PIK3CG: variants seen among roughly 807,000 people sequenced by gnomAD.
PIK3CG encodes the protein phosphatidylinositol-4,5-bisphosphate 3-kinase catalytic subunit gamma.
Under a neutral mutation model 102.3 loss-of-function variants are expected in PIK3CG, and 55 were observed. The ratio of observed to expected loss-of-function variants is 0.54; its 90% CI spans 0.43 to 0.67. PIK3CG has a LOEUF of 0.67. PIK3CG is among the 30% of genes least tolerant of loss of function. The probability of loss-of-function intolerance (pLI) is 0.00; values close to 1 mark genes in which losing one functional copy is unlikely to be tolerated. For synonymous variants in PIK3CG, 552 were observed against 540.0 expected, an observed-to-expected ratio of 1.02 and a Z score of -0.31; for missense variants, 1,258 against 1,391.8, an observed-to-expected ratio of 0.90 and a Z score of 1.53.
rs145560246 is a variant in PIK3CG at position 106,872,569 on chromosome 7, C to T, written c.2028C>T (p.Ala676=). The T allele has an allele frequency of 4.5e-4, 722 of 1,613,874 alleles. 5 individuals are homozygous for T. In the African/African-American group the frequency reaches 8.3e-3, roughly 19 times the overall value. ...AATTTGAACCATACCATGATAGCGC[C>T]CTTGCCAGATTTCTGCTGAAGCGTG... ...AVKFEPYHDS[A]LARFLLKRGL... The change falls in exon 3 of 11, where the codon GCC becomes GCT. Residue 676 remains alanine, a synonymous_variant. Coordinates refer to ENST00000496166, the MANE Select transcript of PIK3CG (RefSeq NM_001282426.2). The surrounding 1 kb of genome is among the most constrained non-coding windows in gnomAD (Gnocchi z 5.3).
In PIK3CG at chr7:106,907,389, C is replaced by A; in HGVS notation, c.*2002C>A. Among the ~76,000 whole-genome samples the A allele has an allele frequency of 6.6e-6, 1 of 152,062 alleles. No individual in the cohort carries two copies. Among genetic ancestry groups the A allele is most frequent in the Admixed American group, 6.6e-5 (1 of 15,264 alleles). On this transcript the variant is annotated 3_prime_UTR_variant, in exon 11 of 11. Coordinates refer to ENST00000496166, the MANE Select transcript of PIK3CG (RefSeq NM_001282426.2). ...CTGTCCTTTTAAAATCACACTCTAC[C>A]CACCTGTACAGAAGACCATGCCCTA... is the stretch of plus-strand genomic sequence containing the variant.
rs1056645523 is a variant in PIK3CG, at chr7:106,868,615, G to A, written c.1054G>A (p.Val352Met). 1.2e-6 allele frequency: 2 copies of A among 1,614,198 alleles called. No homozygotes were observed. The highest frequency in any genetic ancestry group is 1.1e-5 in the South Asian group (1 of 91,082). ...HGKDHESVFT[V>M]SLWDCDRKFR... Reference sequence around the variant, plus strand: ...CAAGGACCACGAGAGTGTGTTCACCGTGTCCCTGTGGGACTGCGACCGCAA... The same window carrying A: ...CAAGGACCACGAGAGTGTGTTCACCATGTCCCTGTGGGACTGCGACCGCAA... Residue 352 changes from valine to methionine, a missense_variant, in exon 2 of 11, where the codon GTG becomes ATG. Physicochemically the swap from Val to Met is conservative, Grantham distance 21 (BLOSUM62 1). Transcript: ENST00000496166. The surrounding 1 kb of genome is among the most constrained non-coding windows in gnomAD (Gnocchi z 6.2).
Position 106,906,415 on chromosome 7 carries a change from T to G in PIK3CG, c.*1028T>G, listed in dbSNP as rs1038648527. 2 of 229,966 alleles carry G rather than the reference T, an allele frequency of 8.7e-6. No individual in the cohort carries two copies. Among genetic ancestry groups the G allele is most frequent in the Admixed American group, 5.7e-5 (1 of 17,678 alleles). 14.2% of individuals were successfully genotyped at this position (229,966 alleles called of 1,614,324 possible). ...AATATGAATTAGTTTCCAAATGCCT[T>G]AATTTTAAACTTTGGCCTGAACAGT... On this transcript the variant is annotated 3_prime_UTR_variant, in exon 11 of 11. Coordinates refer to ENST00000496166, the MANE Select transcript of PIK3CG (RefSeq NM_001282426.2).
At chr7:106,900,654 C>A (rs1791523725) in intron 10 of PIK3CG, among the ~76,000 whole-genome samples, 1 of 152,142 alleles carries the variant, frequency 6.6e-6, no homozygotes, top group Admixed American at 6.5e-5. Context: ...TACAGTGACA[C>A]TGGTCTGTGT....
chr7:106,904,292 A>T (rs1027564148), intron 10 of PIK3CG, among the ~76,000 whole-genome samples: 8 of 152,148 alleles, frequency 5.3e-5, no homozygotes, highest in Non-Finnish European at 5.9e-5. Context: ...TATGCTCAAT[A>T]TTTATTATTT....
In PIK3CG at chr7:106,872,470, A is replaced by C; in HGVS notation, c.1996-67A>C. ...TAAAGCAGAGCACCAGTTCTTCTCC[A>C]TTTCCTTTTCCCTGATTCAACGACA... On this transcript the variant is annotated intron_variant, in intron 2 of 10. Coordinates refer to ENST00000496166, the MANE Select transcript of PIK3CG (RefSeq NM_001282426.2). The surrounding 1 kb of genome is among the most constrained non-coding windows in gnomAD (Gnocchi z 5.3). 1 of 1,260,290 alleles carries C rather than the reference A, an allele frequency of 7.9e-7. No individual in the cohort carries two copies. Among genetic ancestry groups the C allele is most frequent in the Non-Finnish European group, 1.2e-6 (1 of 864,022 alleles). 78.1% of individuals were successfully genotyped at this position (1,260,290 alleles called of 1,614,324 possible).
At position 106,903,688 on chromosome 7, in the gene PIK3CG, TA is replaced by T. The variant is rs1313499197; in HGVS notation, c.3031-1418del. On this transcript the variant is annotated intron_variant, in intron 10 of 10. Coordinates refer to ENST00000496166, the MANE Select transcript of PIK3CG (RefSeq NM_001282426.2). The surrounding 1 kb of genome is among the most constrained non-coding windows in gnomAD (Gnocchi z 4.3). ...CTACTTACAGTAATATTTGATTTTT[TA>T]AAGACAATTAGGTCATTTGTAAATA... is the stretch of plus-strand genomic sequence containing the variant. Among the ~76,000 whole-genome samples the T allele has an allele frequency of 1.3e-5, 2 of 151,916 alleles. No homozygotes were observed. Among genetic ancestry groups the T allele is most frequent in the African/African-American group, 4.8e-5 (2 of 41,430 alleles).
intron 5 of PIK3CG, among the ~76,000 whole-genome samples, chr7:106,878,362 G>T (rs1411412492): frequency 6.6e-6 from 1 of 152,160 alleles, no homozygotes; most frequent in Non-Finnish European, 1.5e-5. Flanking sequence ...TAGGCTGCTG[G>T]AGTCTATGGA....
chr7:106,884,183 A>G lies in PIK3CG; in HGVS notation c.2789A>G (p.Tyr930Cys). The G allele has an allele frequency of 6.2e-7, 1 of 1,613,810 alleles. No homozygotes were observed. The highest frequency in any genetic ancestry group is 8.5e-7 in the Non-Finnish European group (1 of 1,179,796). Residue 930 changes from tyrosine to cysteine, a missense_variant, in exon 9 of 11, where the codon TAT becomes TGT. Coordinates refer to ENST00000496166, the MANE Select transcript of PIK3CG (RefSeq NM_001282426.2). This position sits in a 1 kb window ranked among gnomAD's most constrained non-coding sequence, Gnocchi z 4.2. ...KFQAAVERFV[Y>C]SCAGYCVATF... is the part of the protein sequence containing the mutation. ...CAGGCAGCAGTGGAGAGATTTGTTT[A>G]TTCCTGTGCAGGCTACTGTGTGGCA...
At position 106,890,300 on chromosome 7, in the gene PIK3CG, G is replaced by A. The variant is rs1791234838; in HGVS notation, c.3030+4008G>A. Among the ~76,000 whole-genome samples, 1 of 152,130 alleles carries A rather than the reference G, an allele frequency of 6.6e-6. No homozygotes were observed. Among genetic ancestry groups the A allele is most frequent in the Non-Finnish European group, 1.5e-5 (1 of 68,032 alleles). On this transcript the variant is annotated intron_variant, in intron 10 of 10. Coordinates refer to ENST00000496166, the MANE Select transcript of PIK3CG (RefSeq NM_001282426.2). The surrounding 1 kb of genome is among the most constrained non-coding windows in gnomAD (Gnocchi z 4.2). ...GGGTTCACACCACTCTCCTGCCTCAGCCTTCCAAGTAGCTGGGACTACAGG... is the reference window on the plus strand; with the variant it reads ...GGGTTCACACCACTCTCCTGCCTCAACCTTCCAAGTAGCTGGGACTACAGG...
At position 106,905,252 on chromosome 7, in the gene PIK3CG, G is replaced by C. The variant is rs2116618673; in HGVS notation, c.3174G>C (p.Gly1058=). 2 of 1,614,098 alleles carry C rather than the reference G, an allele frequency of 1.2e-6. No individual in the cohort carries two copies. Among genetic ancestry groups the C allele is most frequent in the Admixed American group, 1.7e-5 (1 of 60,004 alleles). Reference sequence around the variant, plus strand: ...ATATCCGGGATGCCCTCACAGTGGGGAAAAATGAGGAGGATGCTAAAAAGT... The same window carrying C: ...ATATCCGGGATGCCCTCACAGTGGGCAAAAATGAGGAGGATGCTAAAAAGT... ...IEYIRDALTV[G]KNEEDAKKYF... Residue 1058 remains glycine (G), a synonymous_variant, in exon 11 of 11, where the codon GGG becomes GGC. Transcript: ENST00000496166. This position sits in a 1 kb window ranked among gnomAD's most constrained non-coding sequence, Gnocchi z 5.6.
chr7:106,868,281 C>A lies in PIK3CG; in HGVS notation c.720C>A (p.Thr240=), dbSNP rs757667636. 1.2e-6 allele frequency: 2 copies of A among 1,614,050 alleles called. No individual in the cohort carries two copies. Among genetic ancestry groups the A allele is most frequent in the Non-Finnish European group, 1.7e-6 (2 of 1,180,044 alleles). The change falls in exon 2 of 11, where the codon ACC becomes ACA. Residue 240 remains threonine, a synonymous_variant. Coordinates refer to ENST00000496166, the MANE Select transcript of PIK3CG (RefSeq NM_001282426.2). This position sits in a 1 kb window ranked among gnomAD's most constrained non-coding sequence, Gnocchi z 6.2. The part of the protein sequence containing the change: ...SQTIKVSPDD[T]PGAILQSFFT... ...CCATTAAGGTCTCACCCGACGACAC[C>A]CCCGGCGCCATCCTGCAGAGCTTCT... is the stretch of plus-strand genomic sequence containing the variant.
chr7:106,868,604 G>A lies in PIK3CG; in HGVS notation c.1043G>A (p.Ser348Asn), dbSNP rs1281619231. 6.2e-7 allele frequency: 1 copy of A among 1,614,230 alleles called. No individual in the cohort carries two copies. Among genetic ancestry groups the A allele is most frequent in the Non-Finnish European group, 8.5e-7 (1 of 1,180,048 alleles). ...QLTIHGKDHE[S>N]VFTVSLWDCD... ...ACCATCCACGGCAAGGACCACGAGA[G>A]TGTGTTCACCGTGTCCCTGTGGGAC... Residue 348 changes from serine (S) to asparagine (N), a missense_variant, in exon 2 of 11, where the codon AGT becomes AAT. This residue lies in a region of PIK3CG where 832 missense variants were observed against 787.5 expected (regional missense o/e 1.06). Transcript: ENST00000496166. The surrounding 1 kb of genome is among the most constrained non-coding windows in gnomAD (Gnocchi z 6.2).
rs1449605501 is a variant in PIK3CG, at chr7:106,869,146, C to A, written c.1585C>A (p.Leu529Met). 2.5e-6 allele frequency: 4 copies of A among 1,614,100 alleles called. No individual in the cohort carries two copies. The highest frequency in any genetic ancestry group is 3.4e-6 in the Non-Finnish European group (4 of 1,180,052). ...GGACAATTACTGCCACCCGATAGCC[C>A]TGCCTAAGCATCAGCCCACCCCTGA... is the stretch of plus-strand genomic sequence containing the variant. ...LLDNYCHPIA[L>M]PKHQPTPDPE... The change falls in exon 2 of 11, where the codon CTG (leucine) becomes ATG (methionine). Residue 529 changes from leucine to methionine, a missense_variant. Transcript: ENST00000496166. This position sits in a 1 kb window ranked among gnomAD's most constrained non-coding sequence, Gnocchi z 5.3.
chr7:106,887,933 CTTTTTTTTTTTT>C (rs71156344), intron 10 of PIK3CG, among the ~76,000 whole-genome samples: 1 of 60,602 alleles, frequency 1.7e-5, no homozygotes, highest in Non-Finnish European at 2.8e-5. Context: ...GACGACTCTC[CTTTTTTTTTTTT>C]TTTTTTTTTT....
Position 106,877,317 on chromosome 7 carries a change from G to C in PIK3CG, c.2392-2202G>C, listed in dbSNP as rs764440534. 6.6e-6 allele frequency among the ~76,000 whole-genome samples: 1 copy of C among 152,208 alleles called. No individual in the cohort carries two copies. The highest frequency in any genetic ancestry group is 1.5e-5 in the Non-Finnish European group (1 of 68,038). ...TGTTGATGGTTATAACTGGGAGAATGCTATTGGCATCTAGTGGGTAGAGGC... is the reference window on the plus strand; with the variant it reads ...TGTTGATGGTTATAACTGGGAGAATCCTATTGGCATCTAGTGGGTAGAGGC... On this transcript the variant is annotated intron_variant, in intron 5 of 10. Coordinates refer to ENST00000496166, the MANE Select transcript of PIK3CG (RefSeq NM_001282426.2). This position sits in a 1 kb window ranked among gnomAD's most constrained non-coding sequence, Gnocchi z 4.5.
chr7:106,876,461 G>A (rs183900233), intron 5 of PIK3CG, among the ~76,000 whole-genome samples: 173 of 149,830 alleles, frequency 1.2e-3, no homozygotes, highest in African/African-American at 4.0e-3. Context: ...GCACGATCTC[G>A]GCTCACTGCA....
At position 106,868,193 on chromosome 7, in the gene PIK3CG, T is replaced by A. The variant is rs1790382932; in HGVS notation, c.632T>A (p.Leu211Gln). The A allele has an allele frequency of 2.5e-6, 4 of 1,612,300 alleles. No individual in the cohort carries two copies. Among genetic ancestry groups the A allele is most frequent in the Middle Eastern group, 1.6e-4 (1 of 6,062 alleles). ...WVTSKPLPEYLWKKIANNCIF... is the reference protein window; with the variant it reads ...WVTSKPLPEYQWKKIANNCIF... ...ACGTCCAAGCCCCTCCCGGAGTACC[T>A]GTGGAAGAAGATTGCCAACAACTGC... Residue 211 changes from leucine (L) to glutamine (Q), a missense_variant, in exon 2 of 11, where the codon CTG becomes CAG. By Grantham distance (113) the Leu-to-Gln change is moderately radical. Around this residue, in one of 2 missense-constraint regions of PIK3CG, gnomAD observed 832 missense variants for 787.5 expected, o/e 1.06. Transcript: ENST00000496166. The surrounding 1 kb of genome is among the most constrained non-coding windows in gnomAD (Gnocchi z 6.2).
Position 106,879,438 on chromosome 7 carries a change from G to A in PIK3CG, c.2392-81G>A. The A allele has an allele frequency of 2.7e-6, 3 of 1,131,880 alleles. No homozygotes were observed. Among genetic ancestry groups the A allele is most frequent in the Non-Finnish European group, 4.0e-6 (3 of 750,678 alleles). The allele number at this position is 1,131,880 out of a possible 1,614,324, so 70.1% of individuals were successfully genotyped here. ...CTTTGTCCTTGTTGTTTATAGTGAT[G>A]TTTTGCAAGAGAATTTGTGTCTCCA... On this transcript the variant is annotated intron_variant, in intron 5 of 10. Transcript: ENST00000496166. The surrounding 1 kb of genome is among the most constrained non-coding windows in gnomAD (Gnocchi z 4.9).
Sources: allele counts gnomAD v4.1 joint callset (sites outside exome capture counted in the v4.1 genomes callset), GRCh38; gene constraint gnomAD v4.1.1; regional missense constraint gnomAD v4.1.1; non-coding constraint Gnocchi (gnomAD v3.1); transcripts MANE v1.5; gene names NCBI Gene and HGNC (gene_info 2026-07-23, HGNC 2026-07-21).